Variants in OTC observed in about 807,000 individuals in gnomAD.
OTC encodes ornithine transcarbamylase.
In OTC, 3 loss-of-function variants were observed where a neutral mutation model predicts 30.3. That is an observed-to-expected ratio of 0.10 (90% CI 0.05 to 0.26). The LOEUF (loss-of-function observed/expected upper bound fraction) is 0.26. OTC is among the 10% of genes least tolerant of loss of function. The probability of loss-of-function intolerance (pLI) is 1.00; values close to 1 mark genes in which losing one functional copy is unlikely to be tolerated. For synonymous variants in OTC, 111 were observed against 99.7 expected (o/e 1.11, Z -0.67); for missense variants, 194 against 260.3 (o/e 0.75, Z 1.75).
the OTC span, among the ~76,000 whole-genome samples, chrX:38,340,473 GT>G: frequency 2.5e-3 from 142 of 56,102 alleles, no homozygotes; most frequent in African/African-American, 4.1e-3. Context: ...TTTTTTTTTT[GT>G]TTTTTTTTTT....
intron 1 of OTC, 47 bp from the exon 2 acceptor site, chrX:38,367,244 G>A: frequency 9.2e-7 from 1 of 1,082,163 alleles, no homozygotes; most frequent in South Asian, 1.9e-5. Flanking sequence ...TAGTACATGG[G>A]TCTTTTCTGA....
upstream of OTC, among the ~76,000 whole-genome samples, chrX:38,352,281 T>C (rs1189693489): frequency 2.7e-5 from 3 of 112,197 alleles, no homozygotes; most frequent in East Asian, 8.4e-4. Context: ...TCTGTGTTTT[T>C]GCAGTGCCAA....
intron 4 of OTC, among the ~76,000 whole-genome samples, chrX:38,382,336 A>G (rs1380337004): frequency 8.9e-6 from 1 of 112,157 alleles, no homozygotes; most frequent in Non-Finnish European, 1.9e-5. Flanking sequence ...AAAAATCCAG[A>G]GCAAATGTCT....
chrX:38,371,973 G>A (rs143900607), intron 3 of OTC, among the ~76,000 whole-genome samples: 2,612 of 111,472 alleles, frequency 0.023, 77 homozygotes, highest in African/African-American at 0.079. Flanking sequence ...TGTTTTTACC[G>A]TTAGTACTTA....
intron 9 of OTC, among the ~76,000 whole-genome samples, chrX:38,415,184 T>C (rs2068564296): frequency 9.1e-6 from 1 of 109,864 alleles, no homozygotes; most frequent in South Asian, 4.0e-4. Context: ...GTTCAAGTGA[T>C]TCTCCTGCCT....
At chrX:38,342,370 C>T in the OTC span, among the ~76,000 whole-genome samples, 1 of 110,851 alleles carries the variant, frequency 9.0e-6, no homozygotes, top group African/African-American at 3.3e-5. Flanking sequence ...GAAAGACGGA[C>T]ACCTCAACAC....
chrX:38,405,451 G>A (rs1335082029), intron 6 of OTC, among the ~76,000 whole-genome samples: 1 of 110,771 alleles, frequency 9.0e-6, no homozygotes, highest in Non-Finnish European at 1.9e-5. Flanking sequence ...CTGTGTCTGT[G>A]TCTCTCTGTA....
intron 9 of OTC, among the ~76,000 whole-genome samples, chrX:38,413,856 G>A (rs747433626): frequency 1.9e-5 from 2 of 107,623 alleles, no homozygotes; most frequent in South Asian, 4.2e-4. Context: ...TTTTAGTGGC[G>A]GGTAGGGGGG....
intron 3 of OTC, among the ~76,000 whole-genome samples, chrX:38,378,339 C>T (rs1208919333): frequency 3.8e-5 from 4 of 106,176 alleles, no homozygotes. Flanking sequence ...TTCTCCTTCC[C>T]TGCTCTGTAT....
the OTC span, among the ~76,000 whole-genome samples, chrX:38,332,504 T>TTATATATATATATATATATATATATA: frequency 2.5e-4 from 10 of 39,351 alleles, 1 homozygote; most frequent in Non-Finnish European, 3.8e-4. Flanking sequence ...GCCCTAGATT[T>TTATATATATATATATATATATATATA]TATATATATA....
At chrX:38,330,668 T>G in the OTC span, among the ~76,000 whole-genome samples, 8 of 112,030 alleles carry the variant, frequency 7.1e-5, no homozygotes, top group African/African-American at 2.3e-4. Context: ...TACAAGTCCA[T>G]GCAGCAATGC....
At chrX:38,414,815 T>C (rs1212834773) in intron 9 of OTC, among the ~76,000 whole-genome samples, 3 of 111,447 alleles carry the variant, frequency 2.7e-5, no homozygotes, top group Non-Finnish European at 5.6e-5. Flanking sequence ...TGGTGATACA[T>C]GTGTTGCGCT....
upstream of OTC, among the ~76,000 whole-genome samples, chrX:38,347,737 A>G (rs2068196845): frequency 9.0e-6 from 1 of 111,546 alleles, no homozygotes; most frequent in Admixed American, 9.5e-5. Context: ...TAAAATTTCC[A>G]CAGCACCATA....
chrX:38,371,956 A>G (rs1396496595), intron 3 of OTC, among the ~76,000 whole-genome samples: 2 of 111,805 alleles, frequency 1.8e-5, no homozygotes, highest in Non-Finnish European at 3.8e-5. Context: ...TTGTGTGTAT[A>G]TATTTTTGTT....
chrX:38,414,273 A>G (rs1490982375), intron 9 of OTC, among the ~76,000 whole-genome samples: 1 of 112,259 alleles, frequency 8.9e-6, no homozygotes, highest in Non-Finnish European at 1.9e-5. Flanking sequence ...TCTTTTAAAG[A>G]GCTTATTAAA....
At chrX:38,361,417 A>G (rs2068271092) in intron 1 of OTC, among the ~76,000 whole-genome samples, 1 of 112,436 alleles carries the variant, frequency 8.9e-6, no homozygotes. Context: ...GAGAGGCTGT[A>G]GATATACAGC....
chrX:38,379,778 C>T (rs1194741294), intron 3 of OTC, among the ~76,000 whole-genome samples: 1 of 110,377 alleles, frequency 9.1e-6, no homozygotes, highest in African/African-American at 3.3e-5. Context: ...TACAGGCGCC[C>T]ACCACCACGC....
chrX:38,403,501 AT>A (rs1458508973), intron 5 of OTC, 116 bp from the exon 6 acceptor site: 12 of 804,984 alleles, frequency 1.5e-5, no homozygotes, highest in Non-Finnish European at 2.2e-5. Context: ...TTGGGAATTC[AT>A]TCCTTCTAAC....
intron 3 of OTC, among the ~76,000 whole-genome samples, chrX:38,375,585 T>C (rs765484430): frequency 6.3e-5 from 7 of 111,529 alleles, no homozygotes; most frequent in Non-Finnish European, 1.1e-4. Context: ...AAGAGAGAGA[T>C]GTCAAGGATG....
Sources: allele counts gnomAD v4.1 joint callset (sites outside exome capture counted in the v4.1 genomes callset), GRCh38; gene constraint gnomAD v4.1.1; transcripts MANE v1.5; gene names NCBI Gene and HGNC (gene_info 2026-07-23, HGNC 2026-07-21).